The following PRPF18 variants were observed in gnomAD, a reference collection of about 807,000 sequenced individuals.
PRPF18 encodes pre-mRNA-splicing factor 18.
Under a neutral mutation model 46.5 loss-of-function variants are expected in PRPF18, and 38 were observed. The observed-to-expected ratio is 0.82, with a 90% CI of 0.63 to 1.07. The LOEUF is 1.07. Among genes scored for constraint, PRPF18 ranks in the 50% least tolerant of loss-of-function variants. The probability of loss-of-function intolerance (pLI) is 0.00; values close to 1 mark genes in which losing one functional copy is unlikely to be tolerated. For synonymous variants in PRPF18, 152 were observed against 146.7 expected (o/e 1.04, Z -0.26); for missense variants, 263 against 410.0 (o/e 0.64, Z 3.10).
chr10:13,638,079 A>G, the PRPF18 span: 85,797 of 152,038 alleles, frequency 0.56, 24,528 homozygotes, highest in East Asian at 0.79. Context: ...GGTTGGTCGT[A>G]TGACATGGTC....
At chr10:13,651,870 T>A in the PRPF18 span, 2 of 1,056,324 alleles carry the variant, frequency 1.9e-6, no homozygotes, top group African/African-American at 3.1e-5. Context: ...CACAGACTCA[T>A]GGGCAGTAGG....
downstream of PRPF18, among the ~76,000 whole-genome samples, chr10:13,633,837 C>T (rs985437829): frequency 2.6e-5 from 4 of 152,134 alleles, no homozygotes; most frequent in Admixed American, 1.3e-4. Context: ...TACTTTCTCA[C>T]GGTATATTGA....
intron 2 of PRPF18, among the ~76,000 whole-genome samples, chr10:13,599,795 G>C (rs1272905587): frequency 1.3e-5 from 2 of 152,236 alleles, no homozygotes; most frequent in African/African-American, 4.8e-5. Context: ...AGAGCTTGAA[G>C]TTTCTCAGGT....
the PRPF18 span, among the ~76,000 whole-genome samples, chr10:13,636,296 C>T: frequency 2.4e-4 from 36 of 152,278 alleles, no homozygotes; most frequent in Non-Finnish European, 3.8e-4. Flanking sequence ...GTGGCGCGCA[C>T]GTGTAGTCCC....
intron 9 of PRPF18, among the ~76,000 whole-genome samples, chr10:13,624,524 T>A (rs763343176): frequency 1.3e-5 from 2 of 152,188 alleles, no homozygotes; most frequent in Admixed American, 6.5e-5. Context: ...CCTGCCCAAG[T>A]GGGGCTCCCC....
intron 4 of PRPF18, among the ~76,000 whole-genome samples, chr10:13,607,516 G>C (rs1027445152): frequency 1.3e-5 from 2 of 152,032 alleles, no homozygotes; most frequent in East Asian, 1.9e-4. Context: ...GGGCTTAAGC[G>C]ATCTCCCACC....
downstream of PRPF18, among the ~76,000 whole-genome samples, chr10:13,634,994 C>T (rs1054724547): frequency 1.2e-4 from 19 of 152,066 alleles, no homozygotes; most frequent in African/African-American, 4.4e-4. Context: ...TCCTATCACC[C>T]GGATATTAAG....
chr10:13,624,063 C>T (rs2080461379), intron 9 of PRPF18, among the ~76,000 whole-genome samples: 1 of 152,226 alleles, frequency 6.6e-6, no homozygotes, highest in South Asian at 2.1e-4. Flanking sequence ...TGGCTCACTG[C>T]AACTTCCACC....
At chr10:13,620,368 C>T (rs139541123) in intron 9 of PRPF18, among the ~76,000 whole-genome samples, 4 of 152,200 alleles carry the variant, frequency 2.6e-5, no homozygotes, top group South Asian at 2.1e-4. Context: ...AGATGTTGGC[C>T]GAGGAGGTAA....
intron 9 of PRPF18, among the ~76,000 whole-genome samples, chr10:13,629,351 A>T (rs185851943): frequency 7.9e-5 from 12 of 152,382 alleles, no homozygotes; most frequent in Admixed American, 7.8e-4. Context: ...TTTTACTGAC[A>T]TATTAAAGTG....
chr10:13,588,903 T>G (rs2079916926), intron 1 of PRPF18, among the ~76,000 whole-genome samples: 1 of 152,236 alleles, frequency 6.6e-6, no homozygotes, highest in African/African-American at 2.4e-5. Flanking sequence ...TTATGTGTTA[T>G]TTCTATCCGT....
the PRPF18 span, chr10:13,642,714 CGT>C: frequency 6.6e-6 from 1 of 152,102 alleles, no homozygotes; most frequent in African/African-American, 2.4e-5. Flanking sequence ...AGAAGACTTA[CGT>C]GAGGGCCCTT....
At chr10:13,623,234 G>A (rs1300624876) in intron 9 of PRPF18, among the ~76,000 whole-genome samples, 1 of 152,108 alleles carries the variant, frequency 6.6e-6, no homozygotes, top group African/African-American at 2.4e-5. Flanking sequence ...CCCATAGACA[G>A]TGTTTGAAGT....
chr10:13,650,606 C>A, the PRPF18 span, among the ~76,000 whole-genome samples: 1 of 152,208 alleles, frequency 6.6e-6, no homozygotes, highest in Non-Finnish European at 1.5e-5. Flanking sequence ...ATACTGCTCT[C>A]ATGACATCAC....
chr10:13,594,637 A>C (rs1247792182), intron 1 of PRPF18, among the ~76,000 whole-genome samples: 4 of 152,234 alleles, frequency 2.6e-5, no homozygotes, highest in African/African-American at 9.6e-5. Flanking sequence ...TGATTAGATA[A>C]TATTAAAAAA....
chr10:13,650,047 A>C, the PRPF18 span, among the ~76,000 whole-genome samples: 1 of 152,202 alleles, frequency 6.6e-6, no homozygotes, highest in East Asian at 1.9e-4. Context: ...GCCCTTTCCC[A>C]GGGCTATGCT....
chr10:13,623,141 C>G (rs1272675075), intron 9 of PRPF18, among the ~76,000 whole-genome samples: 2 of 152,112 alleles, frequency 1.3e-5, no homozygotes, highest in East Asian at 3.9e-4. Context: ...GCGGAGGTTG[C>G]AGTGAGCCGA....
chr10:13,623,025 C>T (rs547792417), intron 9 of PRPF18, among the ~76,000 whole-genome samples: 29 of 152,034 alleles, frequency 1.9e-4, no homozygotes, highest in South Asian at 6.3e-4. Flanking sequence ...AGTGAAACCC[C>T]GTCTCTACTA....
intron 9 of PRPF18, among the ~76,000 whole-genome samples, chr10:13,621,969 C>A (rs1171798764): frequency 6.6e-6 from 1 of 152,140 alleles, no homozygotes; most frequent in Non-Finnish European, 1.5e-5. Flanking sequence ...GTAATGTGTT[C>A]ACGTGTTACC....
Sources: gnomAD v4.1 joint callset for allele counts (sites outside exome capture counted in the v4.1 genomes callset) on GRCh38, gnomAD v4.1.1 for gene constraint, MANE v1.5 for transcripts, NCBI Gene and HGNC (gene_info 2026-07-23, HGNC 2026-07-21) for gene names.